The following ZNF850 variants were observed in gnomAD, a reference collection of about 807,000 sequenced individuals.
ZNF850 encodes the protein zinc finger protein 850.
A neutral mutation model predicts 11.9 loss-of-function variants in ZNF850; 2 were observed. That is an observed-to-expected ratio of 0.17 (90% CI 0.07 to 0.53). The LOEUF (loss-of-function observed/expected upper bound fraction) is 0.53. Among genes scored for constraint, ZNF850 ranks in the 20% least tolerant of loss-of-function variants. The pLI is 0.94. For missense variants in ZNF850, 1,014 were observed against 1,316.4 expected, an observed-to-expected ratio of 0.77 and a Z score of 3.55; for synonymous variants, 381 against 443.0, an observed-to-expected ratio of 0.86 and a Z score of 1.76.
intron 4 of ZNF850, among the ~76,000 whole-genome samples, chr19:36,761,155 C>T (rs189730501): frequency 7.3e-5 from 11 of 151,718 alleles, no homozygotes; most frequent in Middle Eastern, 3.4e-3. Flanking sequence ...AAAGGGGATT[C>T]TTGGCCAGGC....
chr19:36,751,407 A>G (rs1436407235), intron 4 of ZNF850, among the ~76,000 whole-genome samples: 1 of 152,088 alleles, frequency 6.6e-6, no homozygotes, highest in Non-Finnish European at 1.5e-5. Context: ...GACATTAGGT[A>G]AAAGCTAAGG....
intron 4 of ZNF850, among the ~76,000 whole-genome samples, chr19:36,757,647 C>T (rs826971): frequency 1.3e-5 from 2 of 151,006 alleles, no homozygotes; most frequent in African/African-American, 4.9e-5. Flanking sequence ...GCTGGGATTA[C>T]AGGTGACTGC....
chr19:36,749,565 C>T lies in ZNF850; in HGVS notation c.1475G>A (p.Arg492His), dbSNP rs779123549. The change falls in exon 5 of 5, where the codon CGC becomes CAC. Residue 492 changes from arginine (R) to histidine (H), a missense_variant. Arg to His is a conservative substitution (Grantham distance 29). Coordinates refer to ENST00000591344, the MANE Select transcript of ZNF850 (RefSeq NM_001193552.2). ...CGKSFTFRST[R>H]NRHQRIHTGE... is the part of the protein sequence containing the mutation. ...AGTGTGGATTCGCTGGTGTCGATTG[C>T]GTGTTGAGCGAAAAGTAAAAGATTT... The T allele has an allele frequency of 1.1e-5, 16 of 1,431,944 alleles. No individual in the cohort carries two copies. Among genetic ancestry groups the T allele is most frequent in the South Asian group, 6.4e-5 (5 of 77,572 alleles). The allele number at this position is 1,431,944 out of a possible 1,614,324, so 88.7% of individuals were successfully genotyped here. A position where few individuals can be genotyped will look rare whatever the true frequency, so the allele number is the denominator to read the frequency against.
chr19:36,744,347 G>A lies in ZNF850; in HGVS notation c.*3420C>T, dbSNP rs574975499. ...AAAAGTAAAAACGTTAAGAGTATTG[G>A]CTGAACACAGTGGCTCACACCTGTA... On this transcript the variant is annotated 3_prime_UTR_variant, in exon 5 of 5. Coordinates refer to ENST00000591344, the MANE Select transcript of ZNF850 (RefSeq NM_001193552.2). The A allele has an allele frequency of 5.7e-4, 86 of 152,156 alleles. No homozygotes were observed. The highest frequency in any genetic ancestry group is 2.0e-3 in the African/African-American group (84 of 41,510). The allele number at this position is 152,156 out of a possible 1,614,324, so 9.4% of individuals were successfully genotyped here.
intron 1 of ZNF850, among the ~76,000 whole-genome samples, chr19:36,769,951 C>T (rs560836430): frequency 6.6e-6 from 1 of 152,358 alleles, no homozygotes; most frequent in Admixed American, 6.5e-5. Context: ...TCTACAACTT[C>T]TGACTGACGG....
At chr19:36,754,716 C>T (rs1056107402) in intron 4 of ZNF850, among the ~76,000 whole-genome samples, 8 of 151,950 alleles carry the variant, frequency 5.3e-5, no homozygotes, top group African/African-American at 1.2e-4. Context: ...CCACCACGCC[C>T]GGCTAATTTT....
chr19:36,757,627 C>T (rs2040494767), intron 4 of ZNF850, among the ~76,000 whole-genome samples: 1 of 151,102 alleles, frequency 6.6e-6, no homozygotes, highest in South Asian at 2.1e-4. Context: ...CATCCTCAGC[C>T]TCATGAGTAG....
chr19:36,753,271 GAAAAAA>G (rs71171470), intron 4 of ZNF850, among the ~76,000 whole-genome samples: 35 of 66,070 alleles, frequency 5.3e-4, no homozygotes, highest in South Asian at 1.6e-3. Context: ...TTCATCTCAG[GAAAAAA>G]AAAAAAAAAA....
At position 36,763,739 on chromosome 19, in the gene ZNF850, G is replaced by A. The variant is rs183180793; in HGVS notation, c.-69-1064C>T. Among the ~76,000 whole-genome samples the A allele has an allele frequency of 4.3e-4, 65 of 152,046 alleles. No homozygotes were observed. In the East Asian group the frequency reaches 0.012, roughly 28 times the overall value. On this transcript the variant is annotated intron_variant, in intron 1 of 4. Transcript: ENST00000591344. ...AGCTCAGGAGTTCAAGACCAATTCT[G>A]GGCAATGTGGCAAAACCCCATCTCT...
intron 4 of ZNF850, 85 bp from the exon 5 acceptor site, chr19:36,750,889 T>G: frequency 7.6e-7 from 1 of 1,311,064 alleles, no homozygotes; most frequent in Non-Finnish European, 1.0e-6. Flanking sequence ...GGAGACAAAC[T>G]GAAAATAATG....
At chr19:36,758,151 C>T (rs1467851090) in intron 4 of ZNF850, among the ~76,000 whole-genome samples, 1 of 152,112 alleles carries the variant, frequency 6.6e-6, no homozygotes, top group Non-Finnish European at 1.5e-5. Context: ...AAACTAAAAC[C>T]TTAAATGACG....
chr19:36,768,030 G>A (rs1033981793), intron 1 of ZNF850, among the ~76,000 whole-genome samples: 11 of 152,192 alleles, frequency 7.2e-5, no homozygotes, highest in Non-Finnish European at 1.3e-4. Context: ...GGATGCCAAG[G>A]CAGGAGGATG....
intron 4 of ZNF850, among the ~76,000 whole-genome samples, chr19:36,756,459 T>C (rs191286528): frequency 3.3e-5 from 5 of 152,336 alleles, no homozygotes; most frequent in Admixed American, 1.3e-4. Context: ...TTTTTTCTTT[T>C]TATAAAAATA....
chr19:36,766,969 G>C (rs896764231), intron 1 of ZNF850, among the ~76,000 whole-genome samples: 3 of 152,172 alleles, frequency 2.0e-5, no homozygotes, highest in Non-Finnish European at 4.4e-5. Flanking sequence ...AGGCGCAGTG[G>C]CTCAAGCCTG....
chr19:36,770,506 C>T (rs2040574262), intron 1 of ZNF850, among the ~76,000 whole-genome samples: 1 of 152,042 alleles, frequency 6.6e-6, no homozygotes, highest in Non-Finnish European at 1.5e-5. Context: ...CGCGACCAGA[C>T]TGGCCAGTAT....
intron 4 of ZNF850, among the ~76,000 whole-genome samples, chr19:36,756,861 G>C (rs771275515): frequency 5.9e-5 from 9 of 152,140 alleles, no homozygotes; most frequent in African/African-American, 2.2e-4. Context: ...TGATCCACCC[G>C]CCTTGGCCTC....
Position 36,747,955 on chromosome 19 carries a change from G to T in ZNF850, c.3085C>A (p.Arg1029=). The change falls in exon 5 of 5, where the codon CGA becomes AGA. Residue 1029 remains arginine, a synonymous_variant. Coordinates refer to ENST00000591344, the MANE Select transcript of ZNF850 (RefSeq NM_001193552.2). The stretch of plus-strand genomic sequence containing the variant: ...TAAGTTTTCTCACCAGTATGGATTC[G>T]TTTATGTTGACTAAGTTGTGAAGGA... ...RCPSQLSQHK[R]IHTGEKTYQC... is the part of the protein sequence containing the mutation. 1 of 1,574,698 alleles carries T rather than the reference G, an allele frequency of 6.4e-7. No individual in the cohort carries two copies. Among genetic ancestry groups the T allele is most frequent in the Admixed American group, 1.9e-5 (1 of 53,866 alleles).
chr19:36,772,702 A>G, intron 1 of ZNF850, 23 bp downstream of exon 1: 1 of 152,710 alleles, frequency 6.5e-6, no homozygotes, highest in Non-Finnish European at 1.5e-5. Flanking sequence ...CACACACAAA[A>G]GGACCGGAGC....
Position 36,748,163 on chromosome 19 carries a change from C to G in ZNF850, c.2877G>C (p.Gly959=). The change falls in exon 5 of 5, where the codon GGG becomes GGC. Residue 959 remains glycine, a synonymous_variant. Transcript: ENST00000591344. ...GEKPYECKTC[G]KSFRQRTHLT... ...GGTGTGTACGCTGTCTGAAGGACTT[C>G]CCACATGTCTTACATTCATAGGGTT... is the stretch of plus-strand genomic sequence containing the variant. 1 of 1,552,612 alleles carries G rather than the reference C, an allele frequency of 6.4e-7. No individual in the cohort carries two copies. Among genetic ancestry groups the G allele is most frequent in the Non-Finnish European group, 8.7e-7 (1 of 1,151,546 alleles).
Sources: gnomAD v4.1 joint callset for allele counts (sites outside exome capture counted in the v4.1 genomes callset) on GRCh38, gnomAD v4.1.1 for gene constraint, MANE v1.5 for transcripts, NCBI Gene and HGNC (gene_info 2026-07-23, HGNC 2026-07-21) for gene names.